Variants in CSMD1 observed in about 807,000 individuals in gnomAD.
CSMD1 encodes the protein CUB and Sushi multiple domains 1, also known as CUB and sushi domain-containing protein 1.
A neutral mutation model predicts 417.5 loss-of-function variants in CSMD1; 213 were observed. The observed-to-expected ratio is 0.51, with a 90% CI of 0.46 to 0.57. The LOEUF is 0.57. Ranked by LOEUF, CSMD1 falls within the 20% of genes least tolerant of loss-of-function variation. The pLI is 0.00. For missense variants in CSMD1, 6,923 were observed against 4,529.7 expected, an observed-to-expected ratio of 1.53 and a Z score of -15.17; for synonymous variants, 2,862 against 1,736.8, an observed-to-expected ratio of 1.65 and a Z score of -16.11.
intron 1 of CSMD1, among the ~76,000 whole-genome samples, chr8:4,948,327 A>C (rs748821611): frequency 1.3e-5 from 2 of 151,898 alleles, no homozygotes; most frequent in African/African-American, 2.4e-5. Flanking sequence ...TCCTTTTTTG[A>C]AGTGTCAATT....
intron 5 of CSMD1, among the ~76,000 whole-genome samples, chr8:3,996,574 C>G (rs570160013): frequency 6.6e-6 from 1 of 152,102 alleles, no homozygotes; most frequent in Admixed American, 6.5e-5. Context: ...TCCATGAACT[C>G]TAATGTTAGA....
intron 3 of CSMD1, among the ~76,000 whole-genome samples, chr8:4,187,342 A>G (rs543590253): frequency 6.6e-6 from 1 of 152,242 alleles, no homozygotes; most frequent in East Asian, 1.9e-4. Flanking sequence ...TAACTGACAC[A>G]GGTAAGCATT....
chr8:4,232,054 G>C (rs1235641997), intron 3 of CSMD1, among the ~76,000 whole-genome samples: 1 of 152,212 alleles, frequency 6.6e-6, no homozygotes, highest in African/African-American at 2.4e-5. Context: ...ACTATGAGGT[G>C]TTAGAAGAGC....
At chr8:4,457,592 C>G (rs376074484) in intron 2 of CSMD1, among the ~76,000 whole-genome samples, 1 of 151,978 alleles carries the variant, frequency 6.6e-6, no homozygotes, top group African/African-American at 2.4e-5. Flanking sequence ...CAAATGCACC[C>G]TACATTGCTA....
intron 3 of CSMD1, among the ~76,000 whole-genome samples, chr8:4,387,096 G>C (rs1032483789): frequency 1.3e-5 from 2 of 152,136 alleles, no homozygotes; most frequent in Non-Finnish European, 2.9e-5. Flanking sequence ...CCAATTAATA[G>C]AGTTAGGATA....
chr8:4,107,615 C>G (rs566267300), intron 3 of CSMD1, among the ~76,000 whole-genome samples: 6 of 152,294 alleles, frequency 3.9e-5, no homozygotes, highest in African/African-American at 1.4e-4. Context: ...GTATGAGCGA[C>G]TCAAACTGCA....
rs142796889 is a variant in CSMD1, at chr8:3,748,578, A to C, written c.931+5352T>G. Among the ~76,000 whole-genome samples the C allele has an allele frequency of 2.0e-5, 3 of 152,336 alleles. No homozygotes were observed. The East Asian group carries it at 5.8e-4, about 29-fold the overall frequency. On this transcript the variant is annotated intron_variant, in intron 6 of 69. Transcript: ENST00000635120. ...ATTATTTTTACACTGTTTTAAAAGG[A>C]GAGGCAACCATGCATGCCACCAGAA...
chr8:4,229,161 G>C (rs916435746), intron 3 of CSMD1, among the ~76,000 whole-genome samples: 2 of 152,112 alleles, frequency 1.3e-5, no homozygotes, highest in African/African-American at 4.8e-5. Flanking sequence ...ATTTGGGCAG[G>C]ACAAAAACCC....
Position 3,837,679 on chromosome 8 carries a change from G to C in CSMD1, c.819-83637C>G, listed in dbSNP as rs190890700. On this transcript the variant is annotated intron_variant, in intron 5 of 69. Coordinates refer to ENST00000635120, the MANE Select transcript of CSMD1 (RefSeq NM_033225.6). ...ATCCTACATAGGCACAGGGATGTCT[G>C]CTCTTGAGTAGGAAGAGTAATAGAG... Among the ~76,000 whole-genome samples the C allele has an allele frequency of 5.5e-4, 84 of 152,262 alleles. 1 individual carries two copies. Among genetic ancestry groups the C allele is most frequent in the Non-Finnish European group, 9.7e-4 (66 of 68,024 alleles).
intron 23 of CSMD1, among the ~76,000 whole-genome samples, chr8:3,327,879 A>T (rs540240201): frequency 2.6e-5 from 4 of 152,004 alleles, no homozygotes; most frequent in African/African-American, 9.7e-5. Context: ...TTGGTCTTCC[A>T]TGGATATTCA....
rs1158294369 is a variant in CSMD1, at chr8:4,190,607, G to T, written c.416-158508C>A. Among the ~76,000 whole-genome samples, 5 of 151,346 alleles carry T rather than the reference G, an allele frequency of 3.3e-5. No individual in the cohort carries two copies. In the East Asian group the frequency reaches 9.7e-4, roughly 29 times the overall value. On this transcript the variant is annotated intron_variant, in intron 3 of 69. Coordinates refer to ENST00000635120, the MANE Select transcript of CSMD1 (RefSeq NM_033225.6). ...TCCCATGTTTATAACGATGTGGAAT[G>T]GAAGCTCAAAGGGGTTAAAGAATAA... is the stretch of plus-strand genomic sequence containing the variant.
intron 17 of CSMD1, among the ~76,000 whole-genome samples, chr8:3,389,813 T>A (rs1361061405): frequency 6.6e-6 from 1 of 152,180 alleles, no homozygotes; most frequent in Non-Finnish European, 1.5e-5. Context: ...ACTCTTAAGG[T>A]CACAATTGAT....
intron 7 of CSMD1, among the ~76,000 whole-genome samples, chr8:3,631,347 CT>C (rs1217013452): frequency 6.6e-6 from 1 of 152,204 alleles, no homozygotes; most frequent in Non-Finnish European, 1.5e-5. Context: ...TGCACAGAGA[CT>C]GTCACACAGT....
intron 5 of CSMD1, among the ~76,000 whole-genome samples, chr8:3,787,207 C>G (rs550827424): frequency 4.3e-4 from 65 of 152,058 alleles, no homozygotes; most frequent in African/African-American, 1.5e-3. Context: ...ATTTTGTATT[C>G]CTATGCTGAG....
At chr8:4,040,380 C>G (rs915671377) in intron 3 of CSMD1, among the ~76,000 whole-genome samples, 3 of 152,086 alleles carry the variant, frequency 2.0e-5, no homozygotes, top group Admixed American at 1.3e-4. Context: ...AACACACAAA[C>G]AAAAACATGC....
chr8:4,762,356 G>T (rs956270316), intron 1 of CSMD1, among the ~76,000 whole-genome samples: 2 of 151,904 alleles, frequency 1.3e-5, no homozygotes, highest in African/African-American at 4.8e-5. Context: ...AGTAAACTTT[G>T]TTTACTGCTA....
chr8:3,282,795 C>A (rs573964561), intron 26 of CSMD1, among the ~76,000 whole-genome samples: 4 of 152,274 alleles, frequency 2.6e-5, no homozygotes, highest in African/African-American at 9.6e-5. Flanking sequence ...ATTATATTAG[C>A]AACCTTTTAA....
intron 5 of CSMD1, among the ~76,000 whole-genome samples, chr8:3,902,246 C>G (rs1055975348): frequency 1.6e-4 from 24 of 152,160 alleles, no homozygotes; most frequent in South Asian, 2.1e-4. Context: ...CCTCCCAACC[C>G]ACATTCTAGG....
chr8:3,496,871 T>C (rs530063698), intron 10 of CSMD1, among the ~76,000 whole-genome samples: 3 of 152,216 alleles, frequency 2.0e-5, no homozygotes, highest in African/African-American at 7.2e-5. Context: ...AATTTCTTTA[T>C]AGACCCATTG....
Sources: allele counts gnomAD v4.1 joint callset (sites outside exome capture counted in the v4.1 genomes callset), GRCh38; gene constraint gnomAD v4.1.1; transcripts MANE v1.5; gene names NCBI Gene and HGNC (gene_info 2026-07-23, HGNC 2026-07-21).